ANAPC10: variants seen among roughly 807,000 people sequenced by gnomAD.
ANAPC10 encodes anaphase promoting complex subunit 10.
ANAPC10 carries 12 observed loss-of-function variants against 22.0 expected under a neutral mutation model. That is an observed-to-expected ratio of 0.55 (90% CI 0.35 to 0.88). The LOEUF (loss-of-function observed/expected upper bound fraction) is 0.88, where lower values mean the gene tolerates loss of function less well. ANAPC10 is among the 40% of genes least tolerant of loss of function. ANAPC10 has a pLI of 0.01. For missense variants in ANAPC10, 188 were observed against 220.9 expected (o/e 0.85, Z 0.94); for synonymous variants, 65 against 69.5 (o/e 0.94, Z 0.32).
chr4:145,047,449 A>G (rs923243327), intron 4 of ANAPC10, among the ~76,000 whole-genome samples: 2 of 152,190 alleles, frequency 1.3e-5, no homozygotes, highest in Non-Finnish European at 2.9e-5. Flanking sequence ...TTCAGGTTAA[A>G]TGGAGTTCAG....
chr4:145,003,394 G>A (rs1161430269), intron 4 of ANAPC10, among the ~76,000 whole-genome samples: 6 of 152,096 alleles, frequency 3.9e-5, no homozygotes, highest in East Asian at 1.9e-4. Flanking sequence ...GGTATATACC[G>A]AATAATGGAA....
At chr4:145,003,463 T>A (rs1336257824) in intron 4 of ANAPC10, among the ~76,000 whole-genome samples, 1 of 152,216 alleles carries the variant, frequency 6.6e-6, no homozygotes, top group African/African-American at 2.4e-5. Flanking sequence ...CAAACTGCTT[T>A]CCAAAATGGC....
At chr4:145,065,379 T>C (rs1160538372) in intron 3 of ANAPC10, among the ~76,000 whole-genome samples, 1 of 152,022 alleles carries the variant, frequency 6.6e-6, no homozygotes, top group Non-Finnish European at 1.5e-5. Context: ...CACAGAGATA[T>C]TAGTTTTATC....
At chr4:145,046,152 T>C (rs1459802523) in intron 4 of ANAPC10, among the ~76,000 whole-genome samples, 1 of 152,076 alleles carries the variant, frequency 6.6e-6, no homozygotes, top group Non-Finnish European at 1.5e-5. Context: ...ATTCACTGCT[T>C]AATGGAAAAG....
At chr4:145,031,987 G>A (rs965033717) in intron 4 of ANAPC10, among the ~76,000 whole-genome samples, 1 of 152,200 alleles carries the variant, frequency 6.6e-6, no homozygotes, top group African/African-American at 2.4e-5. Flanking sequence ...TACGTGATCA[G>A]GCTCGAGCAG....
At chr4:145,008,422 G>A (rs1733763289) in intron 4 of ANAPC10, among the ~76,000 whole-genome samples, 2 of 152,060 alleles carry the variant, frequency 1.3e-5, no homozygotes, top group African/African-American at 4.8e-5. Flanking sequence ...ATGAACATCG[G>A]TGCAAAAATC....
At chr4:145,025,441 T>C (rs538153106) in intron 4 of ANAPC10, among the ~76,000 whole-genome samples, 44 of 151,472 alleles carry the variant, frequency 2.9e-4, no homozygotes, top group Non-Finnish European at 6.2e-4. Context: ...AGTTACTAAA[T>C]GGCCTAATTT....
At chr4:145,097,282 G>C in intron 1 of ANAPC10, 1 of 361,990 alleles carries the variant, frequency 2.8e-6, no homozygotes. Flanking sequence ...CAGGAAAATG[G>C]CTTCAAGATT....
chr4:145,015,030 C>T (rs1347648904), intron 4 of ANAPC10, among the ~76,000 whole-genome samples: 1 of 152,020 alleles, frequency 6.6e-6, no homozygotes, highest in Non-Finnish European at 1.5e-5. Context: ...AACAAGGCTC[C>T]TTAACACCCC....
intron 3 of ANAPC10, among the ~76,000 whole-genome samples, chr4:145,070,492 T>G (rs1482571025): frequency 6.6e-6 from 1 of 152,234 alleles, no homozygotes; most frequent in Non-Finnish European, 1.5e-5. Context: ...GGATGACTAT[T>G]ATCAAATGTT....
chr4:145,087,587 C>G (rs188290867), intron 2 of ANAPC10, among the ~76,000 whole-genome samples: 1 of 152,114 alleles, frequency 6.6e-6, no homozygotes, highest in Non-Finnish European at 1.5e-5. Context: ...TACATTTAAA[C>G]GAAGTAAAAT....
intron 4 of ANAPC10, among the ~76,000 whole-genome samples, chr4:145,022,382 G>A (rs1736082846): frequency 6.6e-6 from 1 of 152,102 alleles, no homozygotes; most frequent in African/African-American, 2.4e-5. Context: ...GATGAGATCG[G>A]AGACTATTAT....
chr4:145,002,878 T>C (rs1328691223), intron 4 of ANAPC10, among the ~76,000 whole-genome samples: 1 of 121,310 alleles, frequency 8.2e-6, no homozygotes, highest in Non-Finnish European at 1.7e-5. Flanking sequence ...CTAACTTTTA[T>C]TTTAGGTTCA....
chr4:145,037,017 TG>T (rs1738656740), intron 4 of ANAPC10, among the ~76,000 whole-genome samples: 2 of 141,994 alleles, frequency 1.4e-5, no homozygotes, highest in African/African-American at 5.3e-5. Context: ...TGTGTGTGTG[TG>T]TGTGTGTGTG....
At chr4:145,001,584 G>A (rs1347315929) in intron 4 of ANAPC10, among the ~76,000 whole-genome samples, 1 of 152,174 alleles carries the variant, frequency 6.6e-6, no homozygotes, top group Non-Finnish European at 1.5e-5. Flanking sequence ...ATTAGGAGAA[G>A]TTATGTAATG....
chr4:145,064,751 A>G, intron 3 of ANAPC10, 59 bp from the exon 4 acceptor site: 1 of 1,329,384 alleles, frequency 7.5e-7, no homozygotes, highest in Admixed American at 2.4e-5. Flanking sequence ...TTTCCAATGC[A>G]TCTTATCTTC....
chr4:145,048,122 T>C (rs1740598356), intron 4 of ANAPC10, among the ~76,000 whole-genome samples: 1 of 152,312 alleles, frequency 6.6e-6, no homozygotes, highest in African/African-American at 2.4e-5. Flanking sequence ...TTGGATTCTT[T>C]TCCTCAGTAA....
chr4:145,072,898 G>GT lies in ANAPC10; in HGVS notation c.207-8207dup, dbSNP rs142772988. Among the ~76,000 whole-genome samples, 1,217 of 136,490 alleles carry GT rather than the reference G, an allele frequency of 8.9e-3. 10 individuals carry two copies. Among genetic ancestry groups the GT allele is most frequent in the African/African-American group, 0.02 (733 of 37,400 alleles). The allele number at this position is 136,490 out of a possible 152,430, so 89.5% of individuals were successfully genotyped here. ...TAAGCCTAGTATCTATTACGTATCTGTTTTTTTTTTTTTTTAGGAGACAGG... is the reference window on the plus strand; with the variant it reads ...TAAGCCTAGTATCTATTACGTATCTGTTTTTTTTTTTTTTTTAGGAGACAGG... On this transcript the variant is annotated intron_variant, in intron 3 of 4. Transcript: ENST00000507656.
intron 3 of ANAPC10, among the ~76,000 whole-genome samples, chr4:145,069,748 G>A (rs953478336): frequency 1.1e-4 from 16 of 152,200 alleles, no homozygotes; most frequent in African/African-American, 3.9e-4. Context: ...GCCTTTTTCA[G>A]AATCATTCTC....
Sources: allele counts gnomAD v4.1 joint callset (sites outside exome capture counted in the v4.1 genomes callset), GRCh38; gene constraint gnomAD v4.1.1; transcripts MANE v1.5; gene names NCBI Gene and HGNC (gene_info 2026-07-23, HGNC 2026-07-21).